Variants in ANO4 observed in about 807,000 individuals in gnomAD.
ANO4 encodes the protein anoctamin 4.
In ANO4, 69 loss-of-function variants were observed where a neutral mutation model predicts 141.9. That is an observed-to-expected ratio of 0.49 (90% CI 0.40 to 0.59). ANO4 has a LOEUF of 0.59. Among genes scored for constraint, ANO4 ranks in the 20% least tolerant of loss-of-function variants. The probability of loss-of-function intolerance (pLI) is 0.00; values close to 1 mark genes in which losing one functional copy is unlikely to be tolerated. For missense variants in ANO4, 894 were observed against 1,162.2 expected, an observed-to-expected ratio of 0.77 and a Z score of 3.36; for synonymous variants, 350 against 394.3, an observed-to-expected ratio of 0.89 and a Z score of 1.33.
chr12:100,842,733 T>C (rs990603041), intron 1 of ANO4, among the ~76,000 whole-genome samples: 1 of 152,088 alleles, frequency 6.6e-6, no homozygotes, highest in African/African-American at 2.4e-5. Context: ...TGTTTTGTCC[T>C]TACATGGTAG....
intron 1 of ANO4, among the ~76,000 whole-genome samples, chr12:100,890,160 T>C (rs1039341322): frequency 2.0e-5 from 3 of 152,164 alleles, no homozygotes; most frequent in Non-Finnish European, 4.4e-5. Flanking sequence ...GCCCTTATTA[T>C]GAATATTTGA....
intron 7 of ANO4, among the ~76,000 whole-genome samples, chr12:100,980,450 G>T (rs1020224025): frequency 3.9e-5 from 6 of 152,096 alleles, no homozygotes; most frequent in African/African-American, 1.2e-4. Flanking sequence ...TAAATTGAAG[G>T]CCACATATAC....
At chr12:101,027,916 C>T (rs1263990672) in intron 9 of ANO4, among the ~76,000 whole-genome samples, 1 of 152,096 alleles carries the variant, frequency 6.6e-6, no homozygotes, top group Admixed American at 6.5e-5. Flanking sequence ...CAGGAGTGAT[C>T]CTACTGGCAT....
chr12:100,881,069 T>C (rs1285699318), intron 1 of ANO4, among the ~76,000 whole-genome samples: 1 of 151,780 alleles, frequency 6.6e-6, no homozygotes, highest in African/African-American at 2.4e-5. Context: ...GTATGATGGT[T>C]TCCAGTTTCA....
chr12:101,012,480 C>T (rs1479373630), intron 8 of ANO4, among the ~76,000 whole-genome samples: 1 of 152,102 alleles, frequency 6.6e-6, no homozygotes, highest in African/African-American at 2.4e-5. Context: ...ACAAGTTGTG[C>T]AAGAATCTAA....
chr12:101,089,911 A>G (rs1479396747), intron 17 of ANO4, among the ~76,000 whole-genome samples: 5 of 152,212 alleles, frequency 3.3e-5, no homozygotes, highest in Non-Finnish European at 7.3e-5. Flanking sequence ...GAAAAAAACA[A>G]ACAACCCCAT....
At chr12:100,825,588 A>G (rs1183136159) in intron 1 of ANO4, among the ~76,000 whole-genome samples, 2 of 152,064 alleles carry the variant, frequency 1.3e-5, no homozygotes, top group African/African-American at 4.8e-5. Flanking sequence ...TGTAGTAAGA[A>G]GAACTAGGAA....
intron 2 of ANO4, among the ~76,000 whole-genome samples, chr12:100,738,247 A>C (rs537137022): frequency 6.2e-4 from 95 of 152,248 alleles, no homozygotes; most frequent in African/African-American, 2.2e-3. Flanking sequence ...GCAGGCTATC[A>C]ATGCTGCCAA....
chr12:101,082,373 T>G (rs922322466), intron 15 of ANO4, among the ~76,000 whole-genome samples: 7 of 152,202 alleles, frequency 4.6e-5, no homozygotes, highest in Non-Finnish European at 8.8e-5. Flanking sequence ...TTACCCATTC[T>G]TGGGTATTTC....
At chr12:101,111,521 TG>T (rs1291429900) in intron 23 of ANO4, 41 bp from the exon 24 acceptor site, 2 of 1,481,300 alleles carry the variant, frequency 1.4e-6, no homozygotes, top group Middle Eastern at 1.8e-4. Flanking sequence ...TTATCACCTC[TG>T]TTTTGTGTAT....
In ANO4 at chr12:101,127,073, A is replaced by G. The variant is rs746874676; in HGVS notation, c.*3A>G. The G allele has an allele frequency of 1.2e-6, 2 of 1,611,392 alleles. No individual in the cohort carries two copies. The highest frequency in any genetic ancestry group is 1.7e-6 in the Non-Finnish European group (2 of 1,178,604). ...CACACCACAACGAGTGGCCGTGACCATGTAGGTGAGAGGTGTGCTCAGCGT... is the reference window on the plus strand; with the variant it reads ...CACACCACAACGAGTGGCCGTGACCGTGTAGGTGAGAGGTGTGCTCAGCGT... On this transcript the variant is annotated splice_region_variant and 3_prime_UTR_variant, in exon 27 of 28. Coordinates refer to ENST00000392977, the MANE Select transcript of ANO4 (RefSeq NM_001286615.2).
chr12:100,999,011 T>C (rs1014186021), intron 8 of ANO4, among the ~76,000 whole-genome samples: 1 of 152,222 alleles, frequency 6.6e-6, no homozygotes, highest in Admixed American at 6.5e-5. Flanking sequence ...TTATCCAATG[T>C]CAAACAGTTG....
chr12:100,750,679 C>A lies in ANO4; in HGVS notation c.358+10574C>A, dbSNP rs565835908. ...AACAGTACTCTATAAAGAAAATTTT[C>A]TTTACCACCAGTTATAAGTGGGAAG... On this transcript the variant is annotated intron_variant, in intron 3 of 29. Coordinates refer to the ANO4 transcript ENST00000644049. 6.6e-5 allele frequency among the ~76,000 whole-genome samples: 10 copies of A among 152,250 alleles called. 1 individual carries two copies. In the South Asian group the frequency reaches 1.7e-3, roughly 25 times the overall value.
At chr12:101,127,202 A>G (rs557345262) in intron 27 of ANO4, 128 bp downstream of exon 27, 60 of 978,372 alleles carry the variant, frequency 6.1e-5, no homozygotes, top group Non-Finnish European at 8.5e-5. Context: ...AAGCTTCCCA[A>G]TCCAAAAGAA....
intron 1 of ANO4, among the ~76,000 whole-genome samples, chr12:100,885,765 G>C (rs2039795539): frequency 6.6e-6 from 1 of 152,144 alleles, no homozygotes; most frequent in East Asian, 1.9e-4. Context: ...ATTCCCTCAA[G>C]ATTTTATCTG....
At chr12:100,758,005 T>G (rs1184449534) in intron 3 of ANO4, among the ~76,000 whole-genome samples, 1 of 152,160 alleles carries the variant, frequency 6.6e-6, no homozygotes, top group Non-Finnish European at 1.5e-5. Context: ...AAACTTCCTT[T>G]AAAAAGAAAA....
chr12:101,119,588 A>G (rs1204938453), intron 25 of ANO4, among the ~76,000 whole-genome samples: 1 of 152,230 alleles, frequency 6.6e-6, no homozygotes, highest in Non-Finnish European at 1.5e-5. Context: ...AATAATGTGA[A>G]TGAATCTTAG....
chr12:100,888,908 T>G (rs1262231492), intron 1 of ANO4, among the ~76,000 whole-genome samples: 1 of 152,032 alleles, frequency 6.6e-6, no homozygotes, highest in Non-Finnish European at 1.5e-5. Context: ...ACTTCAAGTT[T>G]TAGGGTACAT....
At chr12:101,075,047 C>T (rs577968955) in intron 14 of ANO4, among the ~76,000 whole-genome samples, 58 of 152,122 alleles carry the variant, frequency 3.8e-4, no homozygotes, top group African/African-American at 1.2e-3. Context: ...GTGTGATTAG[C>T]GCTGACCTAG....
Sources: allele counts gnomAD v4.1 joint callset (sites outside exome capture counted in the v4.1 genomes callset), GRCh38; gene constraint gnomAD v4.1.1; transcripts MANE v1.5; gene names NCBI Gene and HGNC (gene_info 2026-07-23, HGNC 2026-07-21).